STK38: variants seen among roughly 807,000 people sequenced by gnomAD.
STK38 encodes serine/threonine-protein kinase 38.
In STK38, 26 loss-of-function variants were observed where a neutral mutation model predicts 59.0. The observed-to-expected ratio is 0.44, with a 90% CI of 0.32 to 0.61. The LOEUF (loss-of-function observed/expected upper bound fraction) is 0.61, where lower values mean the gene tolerates loss of function less well. Among genes scored for constraint, STK38 ranks in the 20% least tolerant of loss-of-function variants. The pLI is 0.04. For synonymous variants in STK38, 175 were observed against 176.6 expected, an observed-to-expected ratio of 0.99 and a Z score of 0.07; for missense variants, 433 against 566.0, an observed-to-expected ratio of 0.76 and a Z score of 2.38.
intron 7 of STK38, among the ~76,000 whole-genome samples, chr6:36,514,104 G>A (rs935747749): frequency 6.9e-4 from 101 of 146,144 alleles, no homozygotes; most frequent in Non-Finnish European, 1.2e-3. Context: ...GCAGTGAGCC[G>A]AGACTGCCCT....
rs903878858 is a variant in STK38, at chr6:36,517,604, A to G, written c.514+113T>C. On this transcript the variant is annotated intron_variant, in intron 6 of 13. Coordinates refer to ENST00000229812, the MANE Select transcript of STK38 (RefSeq NM_007271.4). ...CCTTTATAGACCTAAAAAAGGATAT[A>G]GAAAGCAACTTTGTGAGCACATTTA... The G allele has an allele frequency of 3.5e-5, 50 of 1,428,608 alleles. No homozygotes were observed. The South Asian group carries it at 6.8e-4, about 20-fold the overall frequency. The allele number at this position is 1,428,608 out of a possible 1,614,324, so 88.5% of individuals were successfully genotyped here.
At chr6:36,495,962 T>A in intron 13 of STK38, 48 bp from the exon 14 acceptor site, 1 of 1,609,410 alleles carries the variant, frequency 6.2e-7, no homozygotes, top group Non-Finnish European at 8.5e-7. Context: ...TTGCCTCCAA[T>A]GGACTGCTCA....
rs537908634 is a variant in STK38 at position 36,505,639 on chromosome 6, G to C, written c.834+944C>G. ...ACACAGTATTTGGTAAACTTGCCAA[G>C]TTACTACCATATATGTGGGCAAACG... On this transcript the variant is annotated intron_variant, in intron 9 of 13. Transcript: ENST00000229812. 2.6e-5 allele frequency among the ~76,000 whole-genome samples: 4 copies of C among 152,288 alleles called. No individual in the cohort carries two copies. The East Asian group carries it at 7.7e-4, about 29-fold the overall frequency.
chr6:36,500,407 A>T (rs543865656), intron 9 of STK38, among the ~76,000 whole-genome samples: 6 of 152,130 alleles, frequency 3.9e-5, no homozygotes, highest in African/African-American at 1.4e-4. Flanking sequence ...ATACAATTTG[A>T]TGCTCAAAAT....
intron 5 of STK38, among the ~76,000 whole-genome samples, chr6:36,521,428 C>T (rs1370919045): frequency 2.6e-5 from 4 of 151,436 alleles, no homozygotes; most frequent in African/African-American, 7.3e-5. Context: ...ACACCACGTA[C>T]GACCTCAAAA....
chr6:36,520,905 C>A (rs1473666398), intron 5 of STK38, among the ~76,000 whole-genome samples: 2 of 152,132 alleles, frequency 1.3e-5, no homozygotes, highest in African/African-American at 4.8e-5. Flanking sequence ...ATCTCCATCC[C>A]CCCTCTTTGG....
At chr6:36,537,453 T>C (rs949369074) in intron 2 of STK38, among the ~76,000 whole-genome samples, 4 of 152,176 alleles carry the variant, frequency 2.6e-5, no homozygotes, top group South Asian at 2.1e-4. Flanking sequence ...AAAATGTTCA[T>C]AGAAGTTTAT....
intron 2 of STK38, among the ~76,000 whole-genome samples, chr6:36,534,150 C>A (rs1410616933): frequency 6.6e-6 from 1 of 151,904 alleles, no homozygotes; most frequent in Admixed American, 6.6e-5. Context: ...GTTAGTCTAA[C>A]ATTCAAAAAT....
At chr6:36,518,957 T>C (rs1051306854) in intron 5 of STK38, among the ~76,000 whole-genome samples, 5 of 152,196 alleles carry the variant, frequency 3.3e-5, no homozygotes, top group African/African-American at 4.8e-5. Flanking sequence ...AATACAATGT[T>C]TGATATGATG....
intron 10 of STK38, 103 bp from the exon 11 acceptor site, chr6:36,498,589 C>T (rs867721685): frequency 0.042 from 39,617 of 932,312 alleles, 956 homozygotes; most frequent in South Asian, 0.089. Flanking sequence ...TTTCTTTTTT[C>T]TTTTTTTTTT....
intron 2 of STK38, among the ~76,000 whole-genome samples, chr6:36,527,191 CAAA>C (rs777770396): frequency 7.4e-4 from 34 of 46,002 alleles, no homozygotes; most frequent in South Asian, 6.8e-3. Flanking sequence ...GACTCCGTCT[CAAA>C]AAAAAAAAAA....
chr6:36,525,566 G>A (rs1314769096), intron 3 of STK38, 25 bp downstream of exon 3: 3 of 1,610,292 alleles, frequency 1.9e-6, no homozygotes, highest in African/African-American at 2.7e-5. Flanking sequence ...TGGGTTTTAA[G>A]GAAAACATTG....
chr6:36,521,675 G>C (rs1465709472), intron 5 of STK38, 59 bp downstream of exon 5: 4 of 1,323,154 alleles, frequency 3.0e-6, no homozygotes, highest in Non-Finnish European at 4.1e-6. Context: ...TAAACAAAAA[G>C]AAAAGTTTTA....
At chr6:36,511,635 C>T (rs565345872) in intron 7 of STK38, among the ~76,000 whole-genome samples, 4 of 151,814 alleles carry the variant, frequency 2.6e-5, no homozygotes, top group African/African-American at 7.2e-5. Context: ...GGATTACAGG[C>T]GTGAGCCACC....
intron 2 of STK38, among the ~76,000 whole-genome samples, chr6:36,531,916 G>C (rs935188461): frequency 6.6e-6 from 1 of 152,072 alleles, no homozygotes; most frequent in Non-Finnish European, 1.5e-5. Context: ...ATGGAACAGG[G>C]AAAGAGTTGC....
intron 6 of STK38, 26 bp from the exon 7 acceptor site, chr6:36,515,518 C>CCACA (rs66494457): frequency 0.027 from 40,664 of 1,528,722 alleles, 234 homozygotes; most frequent in African/African-American, 0.083. Context: ...TACAAAGCCA[C>CCACA]CACACACACA....
Position 36,497,900 on chromosome 6 carries a change from C to G in STK38, c.1077-25G>C, listed in dbSNP as rs188029562. ...CCTGGAAAAGACAGAGGCCTTTCAGCACATCTCAAGCAGTCTCCTCAGAAA... is the reference window on the plus strand; with the variant it reads ...CCTGGAAAAGACAGAGGCCTTTCAGGACATCTCAAGCAGTCTCCTCAGAAA... On this transcript the variant is annotated intron_variant, in intron 11 of 13. Transcript: ENST00000229812. 3.9e-6 allele frequency: 6 copies of G among 1,528,330 alleles called. No individual in the cohort carries two copies. The Admixed American group carries it at 9.8e-5, about 25-fold the overall frequency. The allele number at this position is 1,528,330 out of a possible 1,614,324, so 94.7% of individuals were successfully genotyped here.
chr6:36,500,312 T>C (rs1000183339), intron 9 of STK38, among the ~76,000 whole-genome samples: 2 of 151,558 alleles, frequency 1.3e-5, no homozygotes, highest in Non-Finnish European at 3.0e-5. Context: ...ATGAGTTTTA[T>C]ATATATATAT....
At chr6:36,512,721 A>G (rs1777142501) in intron 7 of STK38, among the ~76,000 whole-genome samples, 1 of 151,866 alleles carries the variant, frequency 6.6e-6, no homozygotes, top group East Asian at 1.9e-4. Context: ...GTGCAGTGGC[A>G]CGATCTTGGC....
Sources: gnomAD v4.1 joint callset for allele counts (sites outside exome capture counted in the v4.1 genomes callset) on GRCh38, gnomAD v4.1.1 for gene constraint, MANE v1.5 for transcripts, NCBI Gene and HGNC (gene_info 2026-07-23, HGNC 2026-07-21) for gene names.